KIF6: variants seen among roughly 807,000 people sequenced by gnomAD.
The protein encoded by KIF6 is kinesin family member 6.
KIF6 carries 106 observed loss-of-function variants against 112.7 expected under a neutral mutation model. The ratio of observed to expected loss-of-function variants is 0.94; its 90% CI spans 0.80 to 1.11. KIF6 has a LOEUF of 1.11. KIF6 is among the 50% of genes least tolerant of loss of function. KIF6 has a pLI of 0.00. For synonymous variants in KIF6, 339 were observed against 339.9 expected, an observed-to-expected ratio of 1.00 and a Z score of 0.03; for missense variants, 929 against 964.0, an observed-to-expected ratio of 0.96 and a Z score of 0.48.
chr6:39,337,172 C>CTTTCTTTCTTTCCTTCT (rs1554195075), intron 22 of KIF6, among the ~76,000 whole-genome samples: 2 of 59,520 alleles, frequency 3.4e-5, no homozygotes, highest in South Asian at 1.3e-3. Flanking sequence ...TCTTTCCTTC[C>CTTTCTTTCTTTCCTTCT]TTCTTTCTTT....
At chr6:39,660,158 A>T (rs541423844) in intron 3 of KIF6, among the ~76,000 whole-genome samples, 1 of 152,254 alleles carries the variant, frequency 6.6e-6, no homozygotes, top group Admixed American at 6.5e-5. Context: ...AATAATTTTT[A>T]AAAATTTCCA....
At chr6:39,526,084 T>G (rs1046475260) in intron 13 of KIF6, among the ~76,000 whole-genome samples, 4 of 152,242 alleles carry the variant, frequency 2.6e-5, no homozygotes, top group African/African-American at 9.6e-5. Flanking sequence ...TACCCTCTAC[T>G]CTTCACTGTC....
chr6:39,345,180 G>A (rs1244529622), intron 21 of KIF6, among the ~76,000 whole-genome samples: 1 of 152,248 alleles, frequency 6.6e-6, no homozygotes, highest in East Asian at 1.9e-4. Flanking sequence ...CATTCCCGCA[G>A]GTAGTTTGGG....
intron 8 of KIF6, among the ~76,000 whole-genome samples, chr6:39,585,339 C>T (rs186242667): frequency 6.6e-6 from 1 of 152,260 alleles, no homozygotes; most frequent in Non-Finnish European, 1.5e-5. Flanking sequence ...TGGGTTCACG[C>T]TCTTATGAGA....
In KIF6 at chr6:39,331,386, CT is replaced by C. The variant is rs58611533; in HGVS notation, c.*5145del. ...TTGCTTACTTGTTTATTGTCCCTCT[CT>C]TTTTTTTTTTTTCAGAGAAGGAGTC... On this transcript the variant is annotated 3_prime_UTR_variant, in exon 23 of 23. Transcript: ENST00000287152. 0.05 allele frequency: 7,297 copies of C among 145,154 alleles called. 559 individuals carry two copies. Among genetic ancestry groups the C allele is most frequent in the African/African-American group, 0.17 (6,688 of 39,774 alleles). The allele number at this position is 145,154 out of a possible 1,614,324, so 9.0% of individuals were successfully genotyped here.
chr6:39,446,482 GTTTTC>G (rs988545272), intron 13 of KIF6, among the ~76,000 whole-genome samples: 5 of 151,692 alleles, frequency 3.3e-5, no homozygotes, highest in African/African-American at 1.2e-4. Flanking sequence ...CAGTGAAATT[GTTTTC>G]TTTTCTTTCC....
intron 13 of KIF6, among the ~76,000 whole-genome samples, chr6:39,531,199 T>G (rs1264787084): frequency 1.3e-5 from 2 of 152,234 alleles, no homozygotes; most frequent in Admixed American, 6.5e-5. Flanking sequence ...TAACCTCATT[T>G]GTATTTGGAC....
chr6:39,483,868 T>C (rs1320997571), intron 13 of KIF6, among the ~76,000 whole-genome samples: 1 of 152,206 alleles, frequency 6.6e-6, no homozygotes, highest in Non-Finnish European at 1.5e-5. Context: ...TCTCAGTAAC[T>C]AGCTGTTCTA....
At chr6:39,594,449 G>C (rs1782132540) in intron 7 of KIF6, among the ~76,000 whole-genome samples, 3 of 152,198 alleles carry the variant, frequency 2.0e-5, no homozygotes, top group Admixed American at 2.0e-4. Flanking sequence ...AAAAAGCTCT[G>C]TTAAGCATAA....
At chr6:39,643,316 A>G (rs1435603511) in intron 3 of KIF6, among the ~76,000 whole-genome samples, 1 of 152,216 alleles carries the variant, frequency 6.6e-6, no homozygotes, top group Non-Finnish European at 1.5e-5. Flanking sequence ...AATTGACAAT[A>G]TTCTTATAAA....
At chr6:39,405,744 G>C (rs1363186433) in intron 15 of KIF6, among the ~76,000 whole-genome samples, 2 of 152,140 alleles carry the variant, frequency 1.3e-5, no homozygotes, top group East Asian at 3.9e-4. Flanking sequence ...TTCTGGAAGA[G>C]ATTATATAAA....
rs768400722 is a variant in KIF6, at chr6:39,627,072, C to T, written c.509+7777G>A. 2.0e-4 allele frequency among the ~76,000 whole-genome samples: 30 copies of T among 152,140 alleles called. 1 individual carries two copies. The highest frequency in any genetic ancestry group is 4.1e-4 in the South Asian group (2 of 4,830). On this transcript the variant is annotated intron_variant, in intron 5 of 22. Coordinates refer to ENST00000287152, the MANE Select transcript of KIF6 (RefSeq NM_145027.6). ...TCTCCAAGGGCTACACCTTGCCTGC[C>T]AAATCCTCACATTTGTACCTTGCCA...
At chr6:39,490,948 C>A (rs1775449638) in intron 13 of KIF6, among the ~76,000 whole-genome samples, 1 of 152,224 alleles carries the variant, frequency 6.6e-6, no homozygotes, top group Middle Eastern at 3.4e-3. Flanking sequence ...CCATCCCTAA[C>A]CCTCACTACA....
At chr6:39,640,493 C>T (rs1274574851) in intron 3 of KIF6, among the ~76,000 whole-genome samples, 8 of 152,026 alleles carry the variant, frequency 5.3e-5, no homozygotes, top group Admixed American at 4.6e-4. Flanking sequence ...GCTTTATGTT[C>T]GTTTTTTGAT....
At chr6:39,346,120 TCCCTCC>T (rs1562113250) in intron 20 of KIF6, among the ~76,000 whole-genome samples, 2 of 47,880 alleles carry the variant, frequency 4.2e-5, no homozygotes, top group African/African-American at 1.6e-4. Flanking sequence ...CCTCTCCCTC[TCCCTCC>T]CTCTCCCTCT....
intron 13 of KIF6, among the ~76,000 whole-genome samples, chr6:39,519,976 C>T (rs1008633848): frequency 3.9e-5 from 6 of 152,126 alleles, no homozygotes; most frequent in African/African-American, 9.7e-5. Flanking sequence ...GACCCAAGAT[C>T]GTGCCACTGC....
At chr6:39,369,387 A>G (rs1253969115) in intron 16 of KIF6, among the ~76,000 whole-genome samples, 1 of 152,076 alleles carries the variant, frequency 6.6e-6, no homozygotes. Context: ...ACTGCCACAG[A>G]CCCTGCGCTC....
At chr6:39,337,896 C>T (rs1763118220) in intron 22 of KIF6, among the ~76,000 whole-genome samples, 1 of 152,174 alleles carries the variant, frequency 6.6e-6, no homozygotes, top group Non-Finnish European at 1.5e-5. Context: ...CTGGAAAAAG[C>T]AAGGTGGCTT....
intron 10 of KIF6, among the ~76,000 whole-genome samples, chr6:39,553,271 G>A (rs1779493817): frequency 6.6e-6 from 1 of 152,168 alleles, no homozygotes; most frequent in African/African-American, 2.4e-5. Context: ...CATGGTTTTG[G>A]TGATGCAGAG....
Sources: allele counts gnomAD v4.1 joint callset (sites outside exome capture counted in the v4.1 genomes callset), GRCh38; gene constraint gnomAD v4.1.1; transcripts MANE v1.5; gene names NCBI Gene and HGNC (gene_info 2026-07-23, HGNC 2026-07-21).